Variants in BABAM2 observed in about 807,000 individuals in gnomAD.
BABAM2 encodes BRISC and BRCA1-A complex member 2.
BABAM2 carries 31 observed loss-of-function variants against 54.7 expected under a neutral mutation model. The ratio of observed to expected loss-of-function variants is 0.57; its 90% CI spans 0.43 to 0.77. BABAM2 has a LOEUF of 0.77. BABAM2 is among the 30% of genes least tolerant of loss of function. BABAM2 has a pLI of 0.00. For missense variants in BABAM2, 364 were observed against 455.8 expected, an observed-to-expected ratio of 0.80 and a Z score of 1.83; for synonymous variants, 167 against 162.9, an observed-to-expected ratio of 1.03 and a Z score of -0.19.
At chr2:27,891,566 A>G (rs1664846739) in intron 1 of BABAM2, among the ~76,000 whole-genome samples, 1 of 152,104 alleles carries the variant, frequency 6.6e-6, no homozygotes, top group South Asian at 2.1e-4. Context: ...GGGGTGTATT[A>G]TAGTGCTGCC....
chr2:28,306,915 C>G (rs1688583466), intron 11 of BABAM2, among the ~76,000 whole-genome samples: 1 of 139,652 alleles, frequency 7.2e-6, no homozygotes, highest in South Asian at 2.3e-4. Context: ...CCAGACTGGT[C>G]TTGAACTCCT....
At chr2:28,168,206 T>G (rs1032574996) in intron 7 of BABAM2, among the ~76,000 whole-genome samples, 1 of 152,194 alleles carries the variant, frequency 6.6e-6, no homozygotes, top group African/African-American at 2.4e-5. Flanking sequence ...AGTGGAACCA[T>G]TTTTATTATA....
chr2:28,091,761 T>C (rs900757942), intron 6 of BABAM2, among the ~76,000 whole-genome samples: 2 of 152,206 alleles, frequency 1.3e-5, no homozygotes, highest in African/African-American at 4.8e-5. Flanking sequence ...AAATGTGGCT[T>C]AGTTTTTTCC....
intron 4 of BABAM2, among the ~76,000 whole-genome samples, chr2:28,012,207 G>C (rs1172589175): frequency 6.6e-6 from 1 of 152,072 alleles, no homozygotes; most frequent in African/African-American, 2.4e-5. Flanking sequence ...GATGATATTC[G>C]AGCAACCTGG....
At chr2:28,212,694 T>G (rs1392512460) in intron 7 of BABAM2, among the ~76,000 whole-genome samples, 1 of 152,178 alleles carries the variant, frequency 6.6e-6, no homozygotes, top group African/African-American at 2.4e-5. Context: ...ACCCCCTCAT[T>G]TTTGGGCAAA....
intron 2 of BABAM2, among the ~76,000 whole-genome samples, chr2:27,909,602 T>C (rs182795865): frequency 6.6e-6 from 1 of 152,292 alleles, no homozygotes; most frequent in East Asian, 1.9e-4. Flanking sequence ...CTCCAGTTGG[T>C]TAAATTTCTC....
At chr2:28,171,536 T>C (rs1674324234) in intron 7 of BABAM2, among the ~76,000 whole-genome samples, 1 of 152,216 alleles carries the variant, frequency 6.6e-6, no homozygotes, top group South Asian at 2.1e-4. Flanking sequence ...CCTACTTTCC[T>C]GTCTAGTAGA....
At chr2:28,089,015 T>A (rs143923919) in intron 6 of BABAM2, among the ~76,000 whole-genome samples, 74 of 152,156 alleles carry the variant, frequency 4.9e-4, no homozygotes, top group African/African-American at 1.7e-3. Flanking sequence ...TACCAAAAGA[T>A]ATTGTAAAAG....
chr2:28,167,045 G>A (rs574995504), intron 7 of BABAM2, among the ~76,000 whole-genome samples: 1 of 152,308 alleles, frequency 6.6e-6, no homozygotes, highest in South Asian at 2.1e-4. Flanking sequence ...CGATAATATA[G>A]TGTGAAAAGA....
At chr2:28,261,618 G>A (rs979121906) in intron 10 of BABAM2, among the ~76,000 whole-genome samples, 10 of 152,190 alleles carry the variant, frequency 6.6e-5, no homozygotes, top group South Asian at 2.1e-4. Context: ...GATTACAGGC[G>A]TGAGCCACCG....
At chr2:28,119,212 TTAAG>T (rs1292278000) in intron 6 of BABAM2, among the ~76,000 whole-genome samples, 4 of 152,334 alleles carry the variant, frequency 2.6e-5, no homozygotes, top group Admixed American at 2.0e-4. Context: ...AATTGATACT[TTAAG>T]TAAGCCCAGA....
At chr2:28,302,431 AAT>A (rs1422241470) in intron 11 of BABAM2, among the ~76,000 whole-genome samples, 7 of 151,744 alleles carry the variant, frequency 4.6e-5, no homozygotes, top group African/African-American at 1.7e-4. Flanking sequence ...AAAAAAAAAA[AAT>A]GTATCTGTTA....
intron 7 of BABAM2, among the ~76,000 whole-genome samples, chr2:28,230,274 A>G (rs1681253504): frequency 6.6e-6 from 1 of 152,200 alleles, no homozygotes; most frequent in African/African-American, 2.4e-5. Flanking sequence ...GTACTCACTT[A>G]AATTTTCTCC....
intron 3 of BABAM2, among the ~76,000 whole-genome samples, chr2:27,981,791 C>T (rs1672020686): frequency 6.6e-6 from 1 of 152,028 alleles, no homozygotes; most frequent in Non-Finnish European, 1.5e-5. Flanking sequence ...CACTTTTTGG[C>T]GATTGTGCAT....
At chr2:27,890,604 G>A (rs574663262), upstream of BABAM2, 3 of 449,540 alleles carry the variant, frequency 6.7e-6, no homozygotes, top group South Asian at 9.3e-5. This position sits in a 1 kb window ranked among gnomAD's most constrained non-coding sequence, Gnocchi z 4.8. Flanking sequence ...CACGGGGCAG[G>A]CGCTGAGGAA....
At chr2:28,205,571 C>T (rs1476249742) in intron 7 of BABAM2, among the ~76,000 whole-genome samples, 1 of 152,090 alleles carries the variant, frequency 6.6e-6, no homozygotes, top group Non-Finnish European at 1.5e-5. Context: ...GAAGAAAGCA[C>T]AGGGAGATTA....
rs180864652 is a variant in BABAM2 at position 28,181,676 on chromosome 2, A to T, written c.680+52296A>T. Among the ~76,000 whole-genome samples, 876 of 152,308 alleles carry T rather than the reference A, an allele frequency of 5.8e-3. 3 individuals are homozygous for T. The highest frequency in any genetic ancestry group is 0.01 in the Non-Finnish European group (683 of 68,024). On this transcript the variant is annotated intron_variant, in intron 7 of 11. Coordinates refer to ENST00000379624, the MANE Select transcript of BABAM2 (RefSeq NM_199191.3). Reference sequence around the variant, plus strand: ...AACAAAATATTACATATACCCCATTAAAAAAGTACAGATTTAGGTTGGTAC... The same window carrying T: ...AACAAAATATTACATATACCCCATTTAAAAAGTACAGATTTAGGTTGGTAC...
intron 7 of BABAM2, among the ~76,000 whole-genome samples, chr2:28,209,654 TCAGACACTCGTC>T (rs1679244941): frequency 6.6e-6 from 1 of 152,180 alleles, no homozygotes; most frequent in African/African-American, 2.4e-5. Flanking sequence ...CACCCATGTG[TCAGACACTCGTC>T]CAGCCATTGA....
chr2:28,129,031 G>C (rs2148767528), intron 6 of BABAM2, among the ~76,000 whole-genome samples: 1 of 152,262 alleles, frequency 6.6e-6, no homozygotes, highest in East Asian at 1.9e-4. Context: ...CTGAATGTGG[G>C]AACAAGTGAG....
Sources: allele counts gnomAD v4.1 joint callset (sites outside exome capture counted in the v4.1 genomes callset), GRCh38; gene constraint gnomAD v4.1.1; non-coding constraint Gnocchi (gnomAD v3.1); transcripts MANE v1.5; gene names NCBI Gene and HGNC (gene_info 2026-07-23, HGNC 2026-07-21).